PLEKHA8: variants seen among roughly 807,000 people sequenced by gnomAD.
PLEKHA8 encodes the protein pleckstrin homology domain-containing family A member 8.
PLEKHA8 carries 36 observed loss-of-function variants against 68.2 expected under a neutral mutation model. The ratio of observed to expected loss-of-function variants is 0.53; its 90% CI spans 0.40 to 0.70. PLEKHA8 has a LOEUF of 0.70. Ranked by LOEUF, PLEKHA8 falls within the 30% of genes least tolerant of loss-of-function variation. The probability of loss-of-function intolerance (pLI) is 0.00; values close to 1 mark genes in which losing one functional copy is unlikely to be tolerated. For missense variants in PLEKHA8, 505 were observed against 615.4 expected (o/e 0.82, Z 1.90); for synonymous variants, 211 against 216.1 (o/e 0.98, Z 0.20).
chr7:30,034,094 C>T lies in PLEKHA8; in HGVS notation c.40+5292C>T, dbSNP rs374368616. Among the ~76,000 whole-genome samples, 13 of 143,218 alleles carry T rather than the reference C, an allele frequency of 9.1e-5. No individual in the cohort carries two copies. In the East Asian group the frequency reaches 1.6e-3, roughly 18 times the overall value. The allele number at this position is 143,218 out of a possible 152,430, so 94.0% of individuals were successfully genotyped here. A position where few individuals can be genotyped will look rare whatever the true frequency, so the allele number is the denominator to read the frequency against. The stretch of plus-strand genomic sequence containing the variant: ...GGCTGGAGTGCAGTGGTGTGATCTC[C>T]GCCTCCCGAGTTCAAGCAATTCTCC... On this transcript the variant is annotated intron_variant, in intron 1 of 13. Transcript: ENST00000449726.
At position 30,108,738 on chromosome 7, in the gene PLEKHA8, G is replaced by A. The variant is rs1044878469; in HGVS notation, c.1363-20528G>A. Among the ~76,000 whole-genome samples, 13 of 152,210 alleles carry A rather than the reference G, an allele frequency of 8.5e-5. No homozygotes were observed. The East Asian group carries it at 1.7e-3, about 20-fold the overall frequency. On this transcript the variant is annotated intron_variant, in intron 13 of 13. Transcript: ENST00000396257. ...CAAGATGCCTGCTAGGACTTGTTGC[G>A]CCTTCTCCTAGAGAGAGAGACTTCA... is the stretch of plus-strand genomic sequence containing the variant.
chr7:30,048,548 A>G (rs534236797), intron 4 of PLEKHA8, among the ~76,000 whole-genome samples: 5 of 152,308 alleles, frequency 3.3e-5, no homozygotes, highest in African/African-American at 1.2e-4. Context: ...GTCATTATTC[A>G]TTTATTTTAA....
intron 13 of PLEKHA8, among the ~76,000 whole-genome samples, chr7:30,077,508 A>C (rs1356813377): frequency 6.6e-6 from 1 of 152,216 alleles, no homozygotes; most frequent in Non-Finnish European, 1.5e-5. Flanking sequence ...AATGCTTAAA[A>C]TAAGGAAAGT....
chr7:30,093,239 A>G (rs186741486), downstream of PLEKHA8, among the ~76,000 whole-genome samples: 1 of 152,344 alleles, frequency 6.6e-6, no homozygotes, highest in East Asian at 1.9e-4. Context: ...CCTAAATAAC[A>G]ATAATAATTA....
chr7:30,083,086 A>G lies in PLEKHA8; in HGVS notation c.*4299A>G, dbSNP rs1227724761. 3 of 983,454 alleles carry G rather than the reference A, an allele frequency of 3.1e-6. No individual in the cohort carries two copies. The highest frequency in any genetic ancestry group is 3.6e-6 in the Non-Finnish European group (3 of 828,262). The allele number at this position is 983,454 out of a possible 1,614,324, so 60.9% of individuals were successfully genotyped here. On this transcript the variant is annotated 3_prime_UTR_variant, in exon 14 of 14. Coordinates refer to ENST00000449726, the MANE Select transcript of PLEKHA8 (RefSeq NM_001197026.2). Reference sequence around the variant, plus strand: ...TTTAAAATTTTTAGATGTAGAGTTTATAAGTAAAATATATTTTTAGCCATT... The same window carrying G: ...TTTAAAATTTTTAGATGTAGAGTTTGTAAGTAAAATATATTTTTAGCCATT...
At chr7:30,126,237 T>C (rs1796770286) in intron 13 of PLEKHA8, among the ~76,000 whole-genome samples, 1 of 151,978 alleles carries the variant, frequency 6.6e-6, no homozygotes, top group Non-Finnish European at 1.5e-5. Context: ...AAAGACAGTC[T>C]CAGAGCTTCA....
chr7:30,049,449 A>C, intron 5 of PLEKHA8, 67 bp downstream of exon 5: 1 of 1,559,296 alleles, frequency 6.4e-7, no homozygotes, highest in Non-Finnish European at 8.7e-7. Context: ...ATAGTGAGTT[A>C]TGTTCTCTAT....
chr7:30,112,782 T>G (rs1796313041), intron 13 of PLEKHA8, among the ~76,000 whole-genome samples: 1 of 151,824 alleles, frequency 6.6e-6, no homozygotes, highest in Admixed American at 6.6e-5. Context: ...GTACCTGTAG[T>G]CCCAGCTATT....
At chr7:30,071,325 C>T (rs1163278207) in intron 12 of PLEKHA8, among the ~76,000 whole-genome samples, 4 of 152,162 alleles carry the variant, frequency 2.6e-5, no homozygotes, top group Non-Finnish European at 5.9e-5. Context: ...GAATTTTGCT[C>T]ACCATCGCCC....
At chr7:30,086,908 CAA>C (rs1795204933), downstream of PLEKHA8, among the ~76,000 whole-genome samples, 1 of 152,128 alleles carries the variant, frequency 6.6e-6, no homozygotes, top group African/African-American at 2.4e-5. Flanking sequence ...TCCAGAGGCA[CAA>C]AATAGAGATA....
At chr7:30,030,443 T>C (rs1304141388) in intron 1 of PLEKHA8, among the ~76,000 whole-genome samples, 1 of 152,248 alleles carries the variant, frequency 6.6e-6, no homozygotes, top group East Asian at 1.9e-4. Context: ...CAGAACTCTC[T>C]AGAAGGATCT....
chr7:30,087,210 C>T (rs1795218999), downstream of PLEKHA8, among the ~76,000 whole-genome samples: 1 of 152,186 alleles, frequency 6.6e-6, no homozygotes, highest in Non-Finnish European at 1.5e-5. Flanking sequence ...TTCCCTCATC[C>T]TCCCCTTCCC....
At chr7:30,057,892 G>C (rs1441205250) in intron 9 of PLEKHA8, among the ~76,000 whole-genome samples, 1 of 152,178 alleles carries the variant, frequency 6.6e-6, no homozygotes, top group Non-Finnish European at 1.5e-5. Context: ...TAAACTGCCA[G>C]ACAGTTATAA....
intron 4 of PLEKHA8, among the ~76,000 whole-genome samples, 178 bp downstream of exon 4, chr7:30,048,134 A>G (rs1792106345): frequency 6.6e-6 from 1 of 152,134 alleles, no homozygotes; most frequent in Non-Finnish European, 1.5e-5. Context: ...ACTATCTTGG[A>G]ATTTACTATT....
chr7:30,121,119 G>T (rs996773283), intron 13 of PLEKHA8, among the ~76,000 whole-genome samples: 1 of 151,828 alleles, frequency 6.6e-6, no homozygotes, highest in African/African-American at 2.4e-5. Context: ...CCAGGAAGCA[G>T]CAGTGGCAGG....
At chr7:30,118,161 C>T in intron 13 of PLEKHA8, 1 of 645,560 alleles carries the variant, frequency 1.5e-6, no homozygotes, top group South Asian at 3.6e-5. Context: ...CCCGAGATGC[C>T]TCCTGGAGAG....
chr7:30,056,742 AGTGTGTGTGTGTG>A (rs1353281175), intron 9 of PLEKHA8, among the ~76,000 whole-genome samples: 49 of 74,782 alleles, frequency 6.6e-4, no homozygotes, highest in South Asian at 3.8e-3. Context: ...AAAAAAAAAA[AGTGTGTGTGTGTG>A]TGTGTGTGTG....
intron 13 of PLEKHA8, among the ~76,000 whole-genome samples, chr7:30,077,202 A>G (rs935210873): frequency 6.6e-6 from 1 of 152,074 alleles, no homozygotes; most frequent in Admixed American, 6.6e-5. Flanking sequence ...ATCCTATTCT[A>G]TTATATATAA....
chr7:30,092,769 C>G (rs1254455197), downstream of PLEKHA8, among the ~76,000 whole-genome samples: 1 of 152,234 alleles, frequency 6.6e-6, no homozygotes, highest in East Asian at 1.9e-4. Flanking sequence ...ATAGGCCCAT[C>G]ATGGGACTTC....
Sources: allele counts gnomAD v4.1 joint callset (sites outside exome capture counted in the v4.1 genomes callset), GRCh38; gene constraint gnomAD v4.1.1; transcripts MANE v1.5; gene names NCBI Gene and HGNC (gene_info 2026-07-23, HGNC 2026-07-21).